The following PSMC2 variants were observed in gnomAD, a reference collection of about 807,000 sequenced individuals.
The protein encoded by PSMC2 is 26S proteasome regulatory subunit 7.
Under a neutral mutation model 53.3 loss-of-function variants are expected in PSMC2, and 7 were observed. The observed-to-expected ratio is 0.13, with a 90% confidence interval of 0.07 to 0.25. The LOEUF (loss-of-function observed/expected upper bound fraction) is 0.25, where lower values mean the gene tolerates loss of function less well. PSMC2 is among the 10% of genes least tolerant of loss of function. The probability of loss-of-function intolerance (pLI) is 1.00; values close to 1 mark genes in which losing one functional copy is unlikely to be tolerated. For synonymous variants in PSMC2, 169 were observed against 183.9 expected (o/e 0.92, Z 0.66); for missense variants, 241 against 544.0 (o/e 0.44, Z 5.54).
In PSMC2 at chr7:103,364,220, A is replaced by G. The variant is rs370246510; in HGVS notation, c.669A>G (p.Thr223=). Residue 223 remains threonine, a synonymous_variant, in exon 8 of 12, where the codon ACA becomes ACG. Coordinates refer to ENST00000292644, the MANE Select transcript of PSMC2 (RefSeq NM_002803.4). The part of the protein sequence containing the change: ...LLFGPPGTGK[T]LCARAVANRT... ...TTGGTCCACCCGGTACAGGCAAGAC[A>G]CTCTGTGCGCGGGCAGTTGCTAATC... 3 of 1,614,070 alleles carry G rather than the reference A, an allele frequency of 1.9e-6. No homozygotes were observed. Among genetic ancestry groups the G allele is most frequent in the Non-Finnish European group, 2.5e-6 (3 of 1,179,992 alleles).
At chr7:103,364,329 A>T (rs1820573529) in intron 8 of PSMC2, 22 bp downstream of exon 8, 1 of 1,612,062 alleles carries the variant, frequency 6.2e-7, no homozygotes, top group African/African-American at 1.3e-5. Context: ...TTATCAAAGA[A>T]TATATAGCCT....
chr7:103,347,605 T>C, upstream of PSMC2: 2 of 1,343,262 alleles, frequency 1.5e-6, no homozygotes, highest in Non-Finnish European at 1.1e-6. Context: ...AAGGGGTCTG[T>C]CTGAGCCCAA....
rs1820525556 is a variant in PSMC2 at position 103,363,439 on chromosome 7, T to C, written c.591T>C (p.His197=). 3 of 1,602,464 alleles carry C rather than the reference T, an allele frequency of 1.9e-6. No individual in the cohort carries two copies. Among genetic ancestry groups the C allele is most frequent in the Middle Eastern group, 1.7e-4 (1 of 6,040 alleles). The part of the protein sequence containing the change: ...LREVVETPLL[H]PERFVNLGIE... Reference sequence around the variant, plus strand: ...AAGTAGTTGAAACCCCATTACTTCATGTAAGTAGCTGAGTGTTGTATTTAA... The same window carrying C: ...AAGTAGTTGAAACCCCATTACTTCACGTAAGTAGCTGAGTGTTGTATTTAA... The change falls in exon 7 of 12, where the codon CAT becomes CAC. Residue 197 remains histidine (H), a splice_region_variant and synonymous_variant. Transcript: ENST00000292644.
At position 103,353,462 on chromosome 7, in the gene PSMC2, A is replaced by G. The variant is rs531696421; in HGVS notation, c.71-459A>G. Among the ~76,000 whole-genome samples the G allele has an allele frequency of 8.5e-5, 13 of 152,224 alleles. No individual in the cohort carries two copies. In the South Asian group the frequency reaches 2.3e-3, roughly 27 times the overall value. ...GCTGGGACTACAGACATGCGCCACC[A>G]TGCCAGGCCAATTTTTGTATTTTTG... is the stretch of plus-strand genomic sequence containing the variant. On this transcript the variant is annotated intron_variant, in intron 1 of 11. Coordinates refer to ENST00000292644, the MANE Select transcript of PSMC2 (RefSeq NM_002803.4).
In PSMC2 at chr7:103,361,942, T is replaced by A; in HGVS notation, c.291-15T>A. On this transcript the variant is annotated splice_polypyrimidine_tract_variant and intron_variant, in intron 4 of 11. Transcript: ENST00000292644. ...CTTAGGTTCCTTATTCTAATCAAGC[T>A]TTTTGCTGTGTTAGGTGTACAAAGA... 1 of 1,594,302 alleles carries A rather than the reference T, an allele frequency of 6.3e-7. No individual in the cohort carries two copies. The highest frequency in any genetic ancestry group is 8.5e-7 in the Non-Finnish European group (1 of 1,174,472).
At chr7:103,354,742 C>T in intron 2 of PSMC2, 126 bp from the exon 3 acceptor site, 1 of 632,446 alleles carries the variant, frequency 1.6e-6, no homozygotes, top group African/African-American at 1.8e-5. Flanking sequence ...AGGAATACCT[C>T]TCTACTTCAC....
At position 103,368,241 on chromosome 7, in the gene PSMC2, G is replaced by C; in HGVS notation, c.*187G>C. On this transcript the variant is annotated 3_prime_UTR_variant, in exon 12 of 12. Coordinates refer to ENST00000292644, the MANE Select transcript of PSMC2 (RefSeq NM_002803.4). ...AGAAAAGCTTGTTAGAATATATTTT[G>C]ACTATTTTTTTGACCCACACCCGTT... The C allele has an allele frequency of 1.6e-6, 1 of 623,140 alleles. No individual in the cohort carries two copies. The highest frequency in any genetic ancestry group is 3.1e-5 in the East Asian group (1 of 32,624). 38.6% of individuals were successfully genotyped at this position (623,140 alleles called of 1,614,324 possible).
At chr7:103,348,896 C>T in intron 1 of PSMC2, 1 of 475,518 alleles carries the variant, frequency 2.1e-6, no homozygotes. Context: ...ACCAAGTGCA[C>T]AAGTACAAAT....
At position 103,361,463 on chromosome 7, in the gene PSMC2, TCA is replaced by T. The variant is rs1820402052; in HGVS notation, c.291-490_291-489del. On this transcript the variant is annotated intron_variant, in intron 4 of 11. Transcript: ENST00000292644. ...AGGTGGAGGTTGCAGTGAGCCAAGA[TCA>T]CACCATTGTGTTTCAGCCTGGGCAA... Among the ~76,000 whole-genome samples the T allele has an allele frequency of 5.6e-5, 7 of 124,452 alleles. No individual in the cohort carries two copies. The South Asian group carries it at 1.8e-3, about 32-fold the overall frequency. The allele number at this position is 124,452 out of a possible 152,430, so 81.6% of individuals were successfully genotyped here.
chr7:103,349,931 C>T (rs948154767), intron 1 of PSMC2, among the ~76,000 whole-genome samples: 7 of 152,178 alleles, frequency 4.6e-5, no homozygotes, highest in Admixed American at 2.0e-4. Context: ...TCTCCTGAGA[C>T]GATTGAGAAT....
At chr7:103,352,612 C>A in intron 1 of PSMC2, 1 of 443,886 alleles carries the variant, frequency 2.3e-6, no homozygotes, top group Non-Finnish European at 4.2e-6. Context: ...GCCATGTGGT[C>A]CAGGCTGCTC....
chr7:103,364,981 A>ATATATATATATATATATATATT (rs950613120), intron 8 of PSMC2, among the ~76,000 whole-genome samples: 16 of 140,798 alleles, frequency 1.1e-4, no homozygotes, highest in Non-Finnish European at 2.0e-4. Context: ...ATATATATAT[A>ATATATATATATATATATATATT]TATTTAGAGA....
At chr7:103,362,846 T>C in intron 6 of PSMC2, 88 bp downstream of exon 6, 5 of 1,035,396 alleles carry the variant, frequency 4.8e-6, no homozygotes, top group Non-Finnish European at 7.2e-6. Flanking sequence ...CAGGCTGGAG[T>C]AGAATGGTGT....
intron 4 of PSMC2, among the ~76,000 whole-genome samples, chr7:103,356,500 A>G (rs983637406): frequency 6.6e-6 from 1 of 152,212 alleles, no homozygotes. Context: ...AATGTAAGAT[A>G]CGCAGTTTTC....
At chr7:103,362,347 G>C in intron 5 of PSMC2, 1 of 1,356,282 alleles carries the variant, frequency 7.4e-7, no homozygotes, top group Non-Finnish European at 9.4e-7. Flanking sequence ...GTCCATTTAA[G>C]GTAACATGGT....
Position 103,367,884 on chromosome 7 carries a change from T to TTTTG in PSMC2, c.1145-8_1145-5dup, listed in dbSNP as rs1314193467. On this transcript the variant is annotated splice_polypyrimidine_tract_variant and intron_variant, in intron 11 of 11. Transcript: ENST00000292644. The surrounding 1 kb of genome is among the most constrained non-coding windows in gnomAD (Gnocchi z 6.1). ...CTTTAATTAAGCCCGTTTATTTTCT[T>TTTTG]TTTGTTTGAAAGGTGCTGAGATTAG... 1 of 1,611,708 alleles carries TTTTG rather than the reference T, an allele frequency of 6.2e-7. No homozygotes were observed. The highest frequency in any genetic ancestry group is 1.1e-5 in the South Asian group (1 of 90,870).
intron 8 of PSMC2, 48 bp downstream of exon 8, chr7:103,364,355 A>G: frequency 3.1e-6 from 5 of 1,591,690 alleles, no homozygotes; most frequent in Non-Finnish European, 4.3e-6. Flanking sequence ...AAGATTTTAC[A>G]GTATGAATGA....
intron 4 of PSMC2, among the ~76,000 whole-genome samples, chr7:103,357,007 T>G (rs770061839): frequency 4.6e-5 from 7 of 152,170 alleles, no homozygotes; most frequent in Non-Finnish European, 7.4e-5. Context: ...ACTCACTTTT[T>G]AGTTTTATCA....
intron 4 of PSMC2, among the ~76,000 whole-genome samples, chr7:103,356,842 C>G (rs925674364): frequency 6.6e-6 from 1 of 151,990 alleles, no homozygotes; most frequent in South Asian, 2.1e-4. Flanking sequence ...AAACCTAGCC[C>G]AATTCAAGGC....
Sources: allele counts gnomAD v4.1 joint callset (sites outside exome capture counted in the v4.1 genomes callset), GRCh38; gene constraint gnomAD v4.1.1; non-coding constraint Gnocchi (gnomAD v3.1); transcripts MANE v1.5; gene names NCBI Gene and HGNC (gene_info 2026-07-23, HGNC 2026-07-21).